Variants in SORBS2 observed in about 807,000 individuals in gnomAD.
SORBS2 encodes the protein sorbin and SH3 domain-containing protein 2.
In SORBS2, 46 loss-of-function variants were observed where a neutral mutation model predicts 97.7. That is an observed-to-expected ratio of 0.47 (90% confidence interval 0.37 to 0.60). The LOEUF is 0.60. SORBS2 is among the 20% of genes least tolerant of loss of function. SORBS2 has a pLI of 0.00. For missense variants in SORBS2, 1,316 were observed against 1,282.3 expected (o/e 1.03, Z -0.40); for synonymous variants, 476 against 473.4 (o/e 1.01, Z -0.07).
chr4:185,602,170 C>T lies in SORBS2; in HGVS notation c.2797-8235G>A, dbSNP rs564747447. 8.5e-5 allele frequency among the ~76,000 whole-genome samples: 13 copies of T among 152,178 alleles called. No individual in the cohort carries two copies. In the South Asian group the frequency reaches 2.5e-3, roughly 29 times the overall value. ...GATTACAGGCACCTGTCACCACGTC[C>T]GGCTAATTTTTGTATTTTTGGTAGA... On this transcript the variant is annotated intron_variant, in intron 12 of 14. Coordinates refer to ENST00000418609, the Ensembl canonical transcript of SORBS2.
intron 4 of SORBS2, chr4:185,677,092 G>A: frequency 6.4e-7 from 1 of 1,551,650 alleles, no homozygotes; most frequent in Non-Finnish European, 8.7e-7. Context: ...GAAAGCTCAG[G>A]TAGCTGTTTG....
chr4:185,723,796 T>C (rs1457315776), intron 2 of SORBS2, among the ~76,000 whole-genome samples: 4 of 152,192 alleles, frequency 2.6e-5, no homozygotes, highest in African/African-American at 9.6e-5. Flanking sequence ...ACGCTGACCT[T>C]TCTTCAGTGA....
chr4:185,670,088 AGGTG>A (rs2153485360), intron 4 of SORBS2, among the ~76,000 whole-genome samples: 1 of 152,146 alleles, frequency 6.6e-6, no homozygotes, highest in East Asian at 1.9e-4. Context: ...GCGTGATGGC[AGGTG>A]CCTGTAATCC....
chr4:185,594,615 A>C (rs1452333886), intron 12 of SORBS2, among the ~76,000 whole-genome samples: 12 of 152,206 alleles, frequency 7.9e-5, no homozygotes, highest in Admixed American at 7.9e-4. Context: ...CTCTCAAAAG[A>C]GTTTCTTTTC....
At chr4:185,918,063 G>A (rs942362503) in intron 1 of SORBS2, 2 of 152,116 alleles carry the variant, frequency 1.3e-5, no homozygotes, top group African/African-American at 4.8e-5. Flanking sequence ...TAACAGTATA[G>A]CTTATTTGCA....
At chr4:185,803,974 T>C (rs2099142414) in intron 1 of SORBS2, among the ~76,000 whole-genome samples, 2 of 152,212 alleles carry the variant, frequency 1.3e-5, no homozygotes, top group Admixed American at 1.3e-4. Context: ...GTAGTTAAGT[T>C]GCTCAGAAGG....
rs536657919 is a variant in SORBS2, at chr4:185,675,047, C to G, written c.-46+3376G>C. 3 of 152,308 alleles carry G rather than the reference C, an allele frequency of 2.0e-5. No homozygotes were observed. In the East Asian group the frequency reaches 5.8e-4, roughly 29 times the overall value. The allele number at this position is 152,308 out of a possible 1,614,324, so 9.4% of individuals were successfully genotyped here. ...ACAGACTTGACATAGGTTAGGCACC[C>G]AATAAATATTTCTTGAATAAATAGC... On this transcript the variant is annotated intron_variant, in intron 4 of 20. Coordinates refer to the SORBS2 transcript ENST00000284776.
At chr4:185,687,992 C>T (rs944339758) in intron 2 of SORBS2, among the ~76,000 whole-genome samples, 25 of 152,166 alleles carry the variant, frequency 1.6e-4, no homozygotes, top group Admixed American at 5.2e-4. Context: ...GGCTACTCTT[C>T]CCCTGAGCTG....
chr4:185,834,123 A>G (rs1364638616), intron 1 of SORBS2, among the ~76,000 whole-genome samples: 2 of 152,210 alleles, frequency 1.3e-5, no homozygotes, highest in Non-Finnish European at 2.9e-5. Context: ...GTATTAGTCA[A>G]TTCTCGTGCT....
At chr4:185,780,007 A>ATTTTTTTTTTTTTTTTTTTTTTTTT (rs538693770) in intron 1 of SORBS2, among the ~76,000 whole-genome samples, 1 of 98,086 alleles carries the variant, frequency 1.0e-5, no homozygotes, top group Non-Finnish European at 1.9e-5. Flanking sequence ...GTAGAGTAAC[A>ATTTTTTTTTTTTTTTTTTTTTTTTT]TTTTTTTTTT....
At chr4:185,884,485 G>A (rs1344658095) in intron 1 of SORBS2, among the ~76,000 whole-genome samples, 2 of 152,028 alleles carry the variant, frequency 1.3e-5, no homozygotes, top group African/African-American at 4.8e-5. Context: ...TTTTGCTAAG[G>A]GCTCAAAATA....
intron 1 of SORBS2, among the ~76,000 whole-genome samples, chr4:185,871,546 G>A (rs769465821): frequency 4.6e-5 from 7 of 152,178 alleles, no homozygotes; most frequent in Non-Finnish European, 8.8e-5. Flanking sequence ...ATACAAGAGC[G>A]GAAATGCTAA....
chr4:185,939,654 G>A (rs2099270871), intron 1 of SORBS2, among the ~76,000 whole-genome samples: 1 of 152,172 alleles, frequency 6.6e-6, no homozygotes, highest in Admixed American at 6.5e-5. Flanking sequence ...GGGATTACAG[G>A]CACGTGCCAC....
chr4:185,820,496 G>T (rs1345783004), intron 1 of SORBS2, among the ~76,000 whole-genome samples: 1 of 152,224 alleles, frequency 6.6e-6, no homozygotes, highest in East Asian at 1.9e-4. Context: ...TGCCAGGGCA[G>T]GGCTGGCCTT....
intron 2 of SORBS2, among the ~76,000 whole-genome samples, chr4:185,683,030 G>T (rs28537076): frequency 2.8e-5 from 3 of 108,394 alleles, no homozygotes; most frequent in African/African-American, 1.1e-4. Flanking sequence ...AAAAAAAAAA[G>T]AAAAGAAAAG....
intron 2 of SORBS2, among the ~76,000 whole-genome samples, chr4:185,699,989 C>A (rs1188145865): frequency 6.6e-6 from 1 of 152,100 alleles, no homozygotes; most frequent in Admixed American, 6.5e-5. Flanking sequence ...ACTGTGTCTG[C>A]AACATTTTTA....
intron 2 of SORBS2, among the ~76,000 whole-genome samples, chr4:185,751,149 G>GGAAT (rs1283659072): frequency 1.7e-5 from 1 of 57,512 alleles, no homozygotes; most frequent in Non-Finnish European, 3.9e-5. Context: ...AAATGGTAAA[G>GGAAT]GAATGCTCTT....
chr4:185,860,303 G>A (rs1010598710), intron 1 of SORBS2, among the ~76,000 whole-genome samples: 3 of 152,186 alleles, frequency 2.0e-5, no homozygotes, highest in Non-Finnish European at 4.4e-5. Flanking sequence ...GAGGATGATG[G>A]TAAATAAACA....
intron 1 of SORBS2, among the ~76,000 whole-genome samples, chr4:185,855,935 G>T (rs983592101): frequency 3.3e-5 from 5 of 152,174 alleles, no homozygotes; most frequent in Admixed American, 2.0e-4. Context: ...ATGAATCACT[G>T]TGTTTAATAA....
Sources: allele counts gnomAD v4.1 joint callset (sites outside exome capture counted in the v4.1 genomes callset), GRCh38; gene constraint gnomAD v4.1.1; transcripts MANE v1.5; gene names NCBI Gene and HGNC (gene_info 2026-07-23, HGNC 2026-07-21).